The following IFT140 variants were observed in gnomAD, a reference collection of about 807,000 sequenced individuals.
IFT140 encodes the protein intraflagellar transport protein 140 homolog.
Under a neutral mutation model 164.6 loss-of-function variants are expected in IFT140, and 133 were observed. The ratio of observed to expected loss-of-function variants is 0.81; its 90% CI spans 0.70 to 0.93. IFT140 has a LOEUF of 0.93. Ranked by LOEUF, IFT140 falls within the 40% of genes least tolerant of loss-of-function variation. IFT140 has a pLI of 0.00. For missense variants in IFT140, 2,045 were observed against 1,972.3 expected, an observed-to-expected ratio of 1.04 and a Z score of -0.70; for synonymous variants, 860 against 817.3, an observed-to-expected ratio of 1.05 and a Z score of -0.89.
chr16:1,513,671 C>CTT (rs113508951), intron 30 of IFT140, among the ~76,000 whole-genome samples: 14 of 91,610 alleles, frequency 1.5e-4, no homozygotes, highest in South Asian at 1.2e-3. Context: ...TCACAACTTT[C>CTT]TTTTTTTTTT....
rs1031981027 is a variant in IFT140, at chr16:1,556,479, C to T, written c.2399+1456G>A. Among the ~76,000 whole-genome samples, 12 of 152,362 alleles carry T rather than the reference C, an allele frequency of 7.9e-5. No individual in the cohort carries two copies. In the East Asian group the frequency reaches 9.7e-4, roughly 12 times the overall value. ...CTGCTGTGACGTGTACGGTCGGGGC[C>T]GGGCCATCAGGCCACCCGCTGCTAA... On this transcript the variant is annotated intron_variant, in intron 19 of 30. Coordinates refer to ENST00000426508, the MANE Select transcript of IFT140 (RefSeq NM_014714.4).
chr16:1,590,054 A>C (rs938790108), intron 6 of IFT140, among the ~76,000 whole-genome samples: 1 of 151,978 alleles, frequency 6.6e-6, no homozygotes, highest in Non-Finnish European at 1.5e-5. Flanking sequence ...AAAACTAGCC[A>C]GGCGGGCGTG....
intron 19 of IFT140, among the ~76,000 whole-genome samples, chr16:1,537,205 A>G (rs548210216): frequency 4.6e-5 from 7 of 151,466 alleles, no homozygotes; most frequent in Admixed American, 3.3e-4. Context: ...ACAACGTCAC[A>G]CCGCGTGCCT....
intron 19 of IFT140, among the ~76,000 whole-genome samples, chr16:1,535,794 G>T (rs938322603): frequency 2.0e-5 from 3 of 152,184 alleles, no homozygotes; most frequent in African/African-American, 7.2e-5. Context: ...ACTTCCTCTC[G>T]CATCCTTCAC....
chr16:1,608,017 C>A (rs964780573), intron 2 of IFT140, among the ~76,000 whole-genome samples: 2 of 152,218 alleles, frequency 1.3e-5, no homozygotes, highest in African/African-American at 4.8e-5. Context: ...AAAACCAGTA[C>A]TGAATTTCCA....
rs1238161899 is a variant in IFT140 at position 1,520,722 on chromosome 16, G to T, written c.3540C>A (p.Ser1180=). 1 of 1,611,978 alleles carries T rather than the reference G, an allele frequency of 6.2e-7. No homozygotes were observed. The highest frequency in any genetic ancestry group is 8.5e-7 in the Non-Finnish European group (1 of 1,179,942). ...MAEKMTVAKD[S]SDLPEESRRE... ...GCCGCGACTCCTCAGGCAGGTCCGA[G>T]GAGTCCTTGGCCACGGTCATCTTTT... The change falls in exon 27 of 31, where the codon TCC becomes TCA. Residue 1180 remains serine, a synonymous_variant. Coordinates refer to ENST00000426508, the MANE Select transcript of IFT140 (RefSeq NM_014714.4).
At chr16:1,552,075 C>T (rs1246220394) in intron 19 of IFT140, among the ~76,000 whole-genome samples, 1 of 152,196 alleles carries the variant, frequency 6.6e-6, no homozygotes, top group Non-Finnish European at 1.5e-5. Context: ...GGGCACAATC[C>T]CTTTCCACTG....
At chr16:1,521,633 C>T (rs1332089713) in intron 26 of IFT140, among the ~76,000 whole-genome samples, 1 of 151,618 alleles carries the variant, frequency 6.6e-6, no homozygotes, top group Non-Finnish European at 1.5e-5. Flanking sequence ...CTCAGGTGAT[C>T]CACCCACCTC....
intron 19 of IFT140, among the ~76,000 whole-genome samples, chr16:1,550,638 T>A (rs927221603): frequency 6.6e-6 from 1 of 152,158 alleles, no homozygotes; most frequent in Admixed American, 6.5e-5. Flanking sequence ...CCGGGCTCAG[T>A]TCTGCCTACC....
rs1279456870 is a variant in IFT140 at position 1,586,195 on chromosome 16, C to T, written c.1090G>A (p.Glu364Lys). ...TGAAGGGCCCACCTGTCCTTGCCCT[C>T]TGCCCCGGGGCTGCCCAGGAAGTCT... Reference protein sequence around the residue: ...VPDFLGSPGAEGKDRWALQTP... With the variant: ...VPDFLGSPGAKGKDRWALQTP... The change falls in exon 10 of 31, where the codon GAG becomes AAG. Residue 364 changes from glutamate to lysine, a missense_variant. By Grantham distance (56) the Glu-to-Lys change is moderately conservative. Transcript: ENST00000426508. The T allele has an allele frequency of 3.7e-6, 6 of 1,614,022 alleles. No homozygotes were observed. The highest frequency in any genetic ancestry group is 5.1e-6 in the Non-Finnish European group (6 of 1,180,020).
intron 4 of IFT140, among the ~76,000 whole-genome samples, chr16:1,593,855 G>A (rs370369874): frequency 2.6e-5 from 4 of 152,190 alleles, no homozygotes; most frequent in East Asian, 1.9e-4. Flanking sequence ...CCTCCATCCC[G>A]TACTGTTCAG....
rs2141135154 is a variant in IFT140, at chr16:1,518,288, GTCCAGGTCTGGTTCCTCCAGGAGCAGC to G, written c.4083_4109del (p.Glu1361_Leu1369del). On this transcript the variant is annotated inframe_deletion, in exon 30 of 31. Coordinates refer to ENST00000426508, the MANE Select transcript of IFT140 (RefSeq NM_014714.4). ...AGACGTCCCCGATGCGGATGGTGCT[GTCCAGGTCTGGTTCCTCCAGGAGCAGC>G]TCACACTGCTTGATGGACTCCTTGG... is the stretch of plus-strand genomic sequence containing the variant. The G allele has an allele frequency of 6.2e-7, 1 of 1,614,138 alleles. No individual in the cohort carries two copies. The highest frequency in any genetic ancestry group is 2.2e-5 in the East Asian group (1 of 44,864).
chr16:1,514,104 C>T (rs2040270887), intron 30 of IFT140, among the ~76,000 whole-genome samples: 1 of 151,636 alleles, frequency 6.6e-6, no homozygotes, highest in South Asian at 2.1e-4. Flanking sequence ...TGCGGTACCT[C>T]ACGCCTGTAA....
At chr16:1,596,377 C>G (rs1040652953) in intron 4 of IFT140, among the ~76,000 whole-genome samples, 3 of 152,120 alleles carry the variant, frequency 2.0e-5, no homozygotes, top group African/African-American at 7.2e-5. Flanking sequence ...CTTTAGAAAT[C>G]TTTATTAGCA....
intron 30 of IFT140, among the ~76,000 whole-genome samples, chr16:1,517,045 T>C (rs571248039): frequency 5.3e-5 from 8 of 152,052 alleles, no homozygotes; most frequent in Admixed American, 2.6e-4. Flanking sequence ...TACAAGTCAT[T>C]GGAATTTCAG....
At chr16:1,519,482 C>T (rs1266994300) in intron 29 of IFT140, among the ~76,000 whole-genome samples, 1 of 152,112 alleles carries the variant, frequency 6.6e-6, no homozygotes, top group Non-Finnish European at 1.5e-5. Flanking sequence ...TGGCAGTTGA[C>T]CTGTGGAGAG....
At chr16:1,525,206 C>CA in intron 22 of IFT140, 25 bp downstream of exon 22, 1 of 1,570,540 alleles carries the variant, frequency 6.4e-7, no homozygotes, top group Non-Finnish European at 8.7e-7. Flanking sequence ...AGTGCGGTCC[C>CA]ACCAGCCCTG....
intron 19 of IFT140, chr16:1,541,429 G>C (rs1437505350): frequency 1.0e-6 from 1 of 985,300 alleles, no homozygotes; most frequent in Non-Finnish European, 1.2e-6. Context: ...GAGCCGCTTG[G>C]GGGTCGGGCA....
intron 19 of IFT140, chr16:1,552,859 T>G (rs879775839): frequency 6.8e-5 from 35 of 514,650 alleles, no homozygotes; most frequent in Non-Finnish European, 8.2e-5. Flanking sequence ...TTCACCATCT[T>G]GGCCAGGCTG....
Sources: allele counts gnomAD v4.1 joint callset (sites outside exome capture counted in the v4.1 genomes callset), GRCh38; gene constraint gnomAD v4.1.1; transcripts MANE v1.5; gene names NCBI Gene and HGNC (gene_info 2026-07-23, HGNC 2026-07-21).